Variants in PPP6R2 observed in about 807,000 individuals in gnomAD.
PPP6R2 encodes serine/threonine-protein phosphatase 6 regulatory subunit 2.
PPP6R2 carries 62 observed loss-of-function variants against 100.2 expected under a neutral mutation model. The ratio of observed to expected loss-of-function variants is 0.62; its 90% CI spans 0.50 to 0.76. The LOEUF is 0.76. Among genes scored for constraint, PPP6R2 ranks in the 30% least tolerant of loss-of-function variants. PPP6R2 has a pLI of 0.00. For missense variants in PPP6R2, 1,142 were observed against 1,276.3 expected (o/e 0.89, Z 1.60); for synonymous variants, 525 against 514.7 (o/e 1.02, Z -0.27).
intron 1 of PPP6R2, among the ~76,000 whole-genome samples, chr22:50,356,974 C>T (rs2046744736): frequency 6.6e-6 from 1 of 151,838 alleles, no homozygotes; most frequent in South Asian, 2.1e-4. Flanking sequence ...TTCCAGTTTT[C>T]CAAACTGGAA....
In PPP6R2 at chr22:50,423,555, A is replaced by G. The variant is rs764326072; in HGVS notation, c.1066A>G (p.Thr356Ala). 6.2e-7 allele frequency: 1 copy of G among 1,614,216 alleles called. No homozygotes were observed. The highest frequency in any genetic ancestry group is 1.1e-5 in the South Asian group (1 of 91,088). ...CCGCCTCATGGCAGCACTGCTGCACACAAACACACCCAGCATCAACCAGGA... is the reference window on the plus strand; with the variant it reads ...CCGCCTCATGGCAGCACTGCTGCACGCAAACACACCCAGCATCAACCAGGA... ...GARLMAALLHTNTPSINQELC... is the reference protein window; with the variant it reads ...GARLMAALLHANTPSINQELC... The change falls in exon 10 of 24, where the codon ACA becomes GCA. Residue 356 changes from threonine to alanine, a missense_variant. Around this residue, in one of 2 missense-constraint regions of PPP6R2, gnomAD observed 592 missense variants for 758.9 expected, o/e 0.78. Transcript: ENST00000612753. The surrounding 1 kb of genome is among the most constrained non-coding windows in gnomAD (Gnocchi z 4.8).
At chr22:50,362,751 C>G (rs2048036106) in intron 1 of PPP6R2, among the ~76,000 whole-genome samples, 9 of 152,172 alleles carry the variant, frequency 5.9e-5, no homozygotes. Flanking sequence ...AGAGCTTGCT[C>G]TCACCCTCCC....
At chr22:50,436,902 C>A in intron 14 of PPP6R2, 86 bp from the exon 15 acceptor site, 2 of 1,102,686 alleles carry the variant, frequency 1.8e-6, no homozygotes, top group Non-Finnish European at 2.7e-6. Context: ...GAGCCCTGGG[C>A]TGGGCATGGT....
chr22:50,361,601 A>G lies in PPP6R2; in HGVS notation c.-147-10419A>G, dbSNP rs150683000. Among the ~76,000 whole-genome samples, 42 of 151,488 alleles carry G rather than the reference A, an allele frequency of 2.8e-4. No homozygotes were observed. The East Asian group carries it at 4.1e-3, about 15-fold the overall frequency. The stretch of plus-strand genomic sequence containing the variant: ...GGTGCTGTTTTCTGCTTGTTTGACA[A>G]TGCTTTTTATCTAGCTTGCCTTCAG... On this transcript the variant is annotated intron_variant, in intron 1 of 23. Coordinates refer to ENST00000612753, the MANE Select transcript of PPP6R2 (RefSeq NM_001242898.2).
At chr22:50,427,937 G>T (rs1156452470) in intron 10 of PPP6R2, among the ~76,000 whole-genome samples, 1 of 152,208 alleles carries the variant, frequency 6.6e-6, no homozygotes, top group Non-Finnish European at 1.5e-5. Context: ...AGCCAGGACG[G>T]TCTCGATCTC....
In PPP6R2 at chr22:50,392,948, A is replaced by G. The variant is rs1286527721; in HGVS notation, c.-16-945A>G. On this transcript the variant is annotated intron_variant, in intron 2 of 23. Transcript: ENST00000612753. Reference sequence around the variant, plus strand: ...ATAAATTCCATCTACTATTACTATAATTTTTAAAATGTTTCATGTAACATT... The same window carrying G: ...ATAAATTCCATCTACTATTACTATAGTTTTTAAAATGTTTCATGTAACATT... 7.9e-5 allele frequency among the ~76,000 whole-genome samples: 12 copies of G among 152,222 alleles called. 1 individual carries two copies. Among genetic ancestry groups the G allele is most frequent in the Admixed American group, 6.5e-4 (10 of 15,278 alleles).
chr22:50,355,467 C>G (rs896248520), intron 1 of PPP6R2, among the ~76,000 whole-genome samples: 2 of 150,714 alleles, frequency 1.3e-5, no homozygotes, highest in African/African-American at 2.4e-5. Context: ...ACCTCGTGAT[C>G]GGCCGCCCGC....
In PPP6R2 at chr22:50,423,138, TCTGGCCTTAGACCGGTACTG is replaced by T. The variant is rs1402502084; in HGVS notation, c.973-317_973-298del. Reference sequence around the variant, plus strand: ...CTCAGTGAGGCATCGTGCCAAGGGCTCTGGCCTTAGACCGGTACTGCTGGCCCCATCTTGGACATCTCACC... The same window carrying T: ...CTCAGTGAGGCATCGTGCCAAGGGCTCTGGCCCCATCTTGGACATCTCACC... On this transcript the variant is annotated intron_variant, in intron 9 of 23. Transcript: ENST00000612753. The surrounding 1 kb of genome is among the most constrained non-coding windows in gnomAD (Gnocchi z 4.8). Among the ~76,000 whole-genome samples the T allele has an allele frequency of 6.6e-6, 1 of 152,166 alleles. No individual in the cohort carries two copies. Among genetic ancestry groups the T allele is most frequent in the Non-Finnish European group, 1.5e-5 (1 of 68,028 alleles).
Position 50,412,585 on chromosome 22 carries a change from T to C in PPP6R2, c.415-1967T>C, listed in dbSNP as rs554699255. Among the ~76,000 whole-genome samples, 417 of 152,060 alleles carry C rather than the reference T, an allele frequency of 2.7e-3. 2 individuals carry two copies. The highest frequency in any genetic ancestry group is 4.1e-3 in the Non-Finnish European group (282 of 67,984). ...ATAGATTTTGTGGAGTTTTAGTATG[T>C]TCTGGAACTATTCTGATTTTGTTTC... On this transcript the variant is annotated intron_variant, in intron 4 of 23. Transcript: ENST00000612753.
chr22:50,349,562 A>G (rs1259839818), intron 1 of PPP6R2, among the ~76,000 whole-genome samples: 2 of 151,900 alleles, frequency 1.3e-5, no homozygotes, highest in Non-Finnish European at 2.9e-5. Context: ...ATAGTGGCTC[A>G]TGCCTGTAAT....
At chr22:50,389,460 GT>G (rs1446230828) in intron 2 of PPP6R2, among the ~76,000 whole-genome samples, 2 of 152,040 alleles carry the variant, frequency 1.3e-5, no homozygotes, top group Non-Finnish European at 2.9e-5. Context: ...TCTGGAGTCA[GT>G]TTATACCAGT....
intron 3 of PPP6R2, among the ~76,000 whole-genome samples, chr22:50,401,666 G>A (rs1224388154): frequency 3.4e-5 from 5 of 146,856 alleles, no homozygotes. Flanking sequence ...TTTTTGAGAC[G>A]GAGTCTCACT....
chr22:50,342,309 C>G (rs1242577529), upstream of PPP6R2, among the ~76,000 whole-genome samples: 2 of 152,264 alleles, frequency 1.3e-5, no homozygotes, highest in Non-Finnish European at 2.9e-5. Context: ...TGCCAGAAAT[C>G]TGCCCCTTAG....
At chr22:50,375,463 A>T (rs1033804527) in intron 2 of PPP6R2, among the ~76,000 whole-genome samples, 1 of 152,172 alleles carries the variant, frequency 6.6e-6, no homozygotes, top group Admixed American at 6.5e-5. Context: ...GTTAAGCTCG[A>T]TTCCTCTCAA....
chr22:50,346,133 TCAGTCAGTTCCCCCTC>T (rs1415184051), intron 1 of PPP6R2, among the ~76,000 whole-genome samples: 1 of 11,312 alleles, frequency 8.8e-5, no homozygotes, highest in Admixed American at 9.4e-4. Context: ...GCCCCCCAAG[TCAGTCAGTTCCCCCTC>T]CAGTCAGTTC....
At chr22:50,425,543 G>A (rs1416066907) in intron 10 of PPP6R2, among the ~76,000 whole-genome samples, 1 of 152,196 alleles carries the variant, frequency 6.6e-6, no homozygotes, top group Non-Finnish European at 1.5e-5. Context: ...TATGAGGCCA[G>A]GTCATGTGAC....
At chr22:50,410,698 A>G (rs961020607) in intron 4 of PPP6R2, among the ~76,000 whole-genome samples, 1 of 152,068 alleles carries the variant, frequency 6.6e-6, no homozygotes, top group Non-Finnish European at 1.5e-5. Flanking sequence ...TCAATGTATC[A>G]TATTCACATA....
chr22:50,360,207 C>T (rs1299725473), intron 1 of PPP6R2, among the ~76,000 whole-genome samples: 2 of 152,122 alleles, frequency 1.3e-5, no homozygotes, highest in Non-Finnish European at 2.9e-5. Context: ...TGCGTGCCAC[C>T]ACGCCTGGCT....
chr22:50,380,903 G>T (rs977071318), intron 2 of PPP6R2, among the ~76,000 whole-genome samples: 2 of 150,668 alleles, frequency 1.3e-5, no homozygotes, highest in Admixed American at 1.3e-4. Flanking sequence ...GCAGGAGAAT[G>T]GCCTGAACCC....
Sources: gnomAD v4.1 joint callset for allele counts (sites outside exome capture counted in the v4.1 genomes callset) on GRCh38, gnomAD v4.1.1 for gene constraint, gnomAD v4.1.1 regional missense constraint, Gnocchi (gnomAD v3.1) non-coding constraint, MANE v1.5 for transcripts, NCBI Gene and HGNC (gene_info 2026-07-23, HGNC 2026-07-21) for gene names.